The following NLGN4X variants were observed in gnomAD, a reference collection of about 807,000 sequenced individuals.
NLGN4X encodes the protein neuroligin 4 X-linked.
NLGN4X carries 3 observed loss-of-function variants against 40.3 expected under a neutral mutation model. The observed-to-expected ratio is 0.07, with a 90% CI of 0.03 to 0.19. The LOEUF (loss-of-function observed/expected upper bound fraction) is 0.19. NLGN4X is among the 10% of genes least tolerant of loss of function. The pLI is 1.00. For missense variants in NLGN4X, 382 were observed against 708.3 expected (o/e 0.54, Z 5.23); for synonymous variants, 270 against 306.8 (o/e 0.88, Z 1.25).
chrX:6,134,233 A>C (rs1421735524), intron 2 of NLGN4X, among the ~76,000 whole-genome samples: 1 of 112,041 alleles, frequency 8.9e-6, no homozygotes, highest in Admixed American at 9.5e-5. Context: ...CGGTTGGCTG[A>C]GTGCAGGACT....
chrX:6,042,730 T>TATATATATATATATAC (rs1215396694), intron 2 of NLGN4X, among the ~76,000 whole-genome samples: 28 of 20,148 alleles, frequency 1.4e-3, no homozygotes, highest in Non-Finnish European at 2.0e-3. Context: ...TATATATATA[T>TATATATATATATATAC]ACACACACAC....
At chrX:6,030,420 G>GTGTGTGTGTGTGTGTGTGTGTGTC (rs1230640090) in intron 2 of NLGN4X, among the ~76,000 whole-genome samples, 1 of 109,820 alleles carries the variant, frequency 9.1e-6, no homozygotes, top group East Asian at 2.9e-4. Flanking sequence ...GTGTGTGTGT[G>GTGTGTGTGTGTGTGTGTGTGTGTC]TGTACAATTT....
intron 2 of NLGN4X, among the ~76,000 whole-genome samples, chrX:6,087,754 A>G (rs1234610809): frequency 1.8e-5 from 2 of 112,032 alleles, no homozygotes; most frequent in Admixed American, 1.9e-4. Context: ...AAGATAACTG[A>G]ACTGAGTTTT....
chrX:5,971,101 A>G (rs1402021571), intron 3 of NLGN4X, among the ~76,000 whole-genome samples: 1 of 112,418 alleles, frequency 8.9e-6, no homozygotes, highest in African/African-American at 3.2e-5. Flanking sequence ...GATATAACTA[A>G]TAATTATTGG....
At chrX:5,928,984 GAA>G (rs2033433969) in intron 3 of NLGN4X, among the ~76,000 whole-genome samples, 1 of 109,641 alleles carries the variant, frequency 9.1e-6, no homozygotes, top group African/African-American at 3.3e-5. Context: ...CGTGCCCAGA[GAA>G]AGACTCATTT....
chrX:6,197,680 T>C (rs1176409941), intron 1 of NLGN4X, among the ~76,000 whole-genome samples: 2 of 111,497 alleles, frequency 1.8e-5, no homozygotes, highest in Admixed American at 1.9e-4. Flanking sequence ...TTGATCACTA[T>C]CTAAAAGTAT....
chrX:6,225,681 CTTTTTTTCTTTTTTTTTTTTTTTTTTT>C (rs1926176770), intron 1 of NLGN4X, among the ~76,000 whole-genome samples: 2 of 33,810 alleles, frequency 5.9e-5, no homozygotes, highest in Non-Finnish European at 1.0e-4. Flanking sequence ...TTTTTTCTTT[CTTTTTTTCTTTTTTTTTTTTTTTTTTT>C]TTTTTTTTTT....
At chrX:5,985,746 G>A (rs939105953) in intron 3 of NLGN4X, among the ~76,000 whole-genome samples, 2 of 111,821 alleles carry the variant, frequency 1.8e-5, no homozygotes, top group Admixed American at 1.9e-4. Context: ...CCAAATAGAC[G>A]CTATGTAGAA....
intron 2 of NLGN4X, among the ~76,000 whole-genome samples, chrX:6,100,266 TG>T (rs918344306): frequency 2.7e-5 from 3 of 112,274 alleles, no homozygotes; most frequent in Non-Finnish European, 5.6e-5. Context: ...CCTTCCAGCA[TG>T]GGGGTCATGG....
At chrX:6,210,152 A>T (rs1441060738) in intron 1 of NLGN4X, among the ~76,000 whole-genome samples, 1 of 111,561 alleles carries the variant, frequency 9.0e-6, no homozygotes, top group Non-Finnish European at 1.9e-5. Flanking sequence ...TGCAATGTGG[A>T]GTTCAATAGA....
chrX:6,223,301 C>A (rs73457049), intron 1 of NLGN4X, among the ~76,000 whole-genome samples: 1 of 110,601 alleles, frequency 9.0e-6, no homozygotes, highest in Non-Finnish European at 1.9e-5. Flanking sequence ...ACCTGGGACA[C>A]GTGAACTGAA....
At chrX:6,194,243 G>A (rs959306926) in intron 1 of NLGN4X, among the ~76,000 whole-genome samples, 1 of 111,581 alleles carries the variant, frequency 9.0e-6, no homozygotes, top group Non-Finnish European at 1.9e-5. Context: ...TACATTCACG[G>A]GTATAAACCG....
chrX:6,149,677 C>T (rs982429077), intron 2 of NLGN4X, among the ~76,000 whole-genome samples: 6 of 111,398 alleles, frequency 5.4e-5, no homozygotes, highest in African/African-American at 1.6e-4. Context: ...GTCACCATAA[C>T]GACAAGGGCA....
chrX:6,220,910 G>A (rs1176145130), intron 1 of NLGN4X, among the ~76,000 whole-genome samples: 4 of 108,022 alleles, frequency 3.7e-5, no homozygotes, highest in Non-Finnish European at 3.8e-5. Flanking sequence ...GCTAGTTTTT[G>A]TATTTTTAGT....
At chrX:6,190,104 G>A (rs1922411399) in intron 1 of NLGN4X, among the ~76,000 whole-genome samples, 1 of 108,832 alleles carries the variant, frequency 9.2e-6, no homozygotes, top group Admixed American at 1.0e-4. Context: ...TGATCAAATG[G>A]GGGAGGTGGG....
At chrX:6,163,565 C>T (rs376287630) in intron 1 of NLGN4X, among the ~76,000 whole-genome samples, 4 of 112,208 alleles carry the variant, frequency 3.6e-5, no homozygotes, top group South Asian at 7.4e-4. Context: ...TGCCTCCCAC[C>T]TGCTCCTTCT....
intron 3 of NLGN4X, among the ~76,000 whole-genome samples, chrX:6,022,895 A>G (rs2147197252): frequency 9.0e-6 from 1 of 111,585 alleles, no homozygotes; most frequent in African/African-American, 3.3e-5. Context: ...ATGACTACAA[A>G]TGCTGTTTCT....
chrX:5,988,572 G>A (rs1202834508), intron 3 of NLGN4X, among the ~76,000 whole-genome samples: 1 of 111,765 alleles, frequency 8.9e-6, no homozygotes, highest in Non-Finnish European at 1.9e-5. Flanking sequence ...AAAATGACAT[G>A]GGAGGTACAT....
chrX:5,986,598 T>G (rs1431848942), intron 3 of NLGN4X, among the ~76,000 whole-genome samples: 3 of 111,965 alleles, frequency 2.7e-5, no homozygotes, highest in Non-Finnish European at 3.8e-5. Context: ...CTTATTTAAA[T>G]AAATCATTAA....
Sources: gnomAD v4.1 joint callset for allele counts (sites outside exome capture counted in the v4.1 genomes callset) on GRCh38, gnomAD v4.1.1 for gene constraint, MANE v1.5 for transcripts, NCBI Gene and HGNC (gene_info 2026-07-23, HGNC 2026-07-21) for gene names.